Variants in CAMK1D observed in about 807,000 individuals in gnomAD.
CAMK1D encodes the protein calcium/calmodulin-dependent protein kinase type 1D.
Under a neutral mutation model 47.7 loss-of-function variants are expected in CAMK1D, and 9 were observed. That is an observed-to-expected ratio of 0.19 (90% CI 0.11 to 0.33). CAMK1D has a LOEUF of 0.33. Ranked by LOEUF, CAMK1D falls within the 10% of genes least tolerant of loss-of-function variation. The pLI is 1.00. For missense variants in CAMK1D, 291 were observed against 488.7 expected, an observed-to-expected ratio of 0.60 and a Z score of 3.81; for synonymous variants, 184 against 184.9, an observed-to-expected ratio of 0.99 and a Z score of 0.04.
chr10:12,441,604 G>C (rs1832786508), intron 1 of CAMK1D, among the ~76,000 whole-genome samples: 1 of 151,878 alleles, frequency 6.6e-6, no homozygotes, highest in African/African-American at 2.4e-5. Flanking sequence ...CTGGAGGCCA[G>C]GAGTTCGAGA....
rs1016383690 is a variant in CAMK1D, at chr10:12,831,977, C to A, written c.*3090C>A. 6.6e-6 allele frequency: 1 copy of A among 152,220 alleles called. No homozygotes were observed. The highest frequency in any genetic ancestry group is 2.4e-5 in the African/African-American group (1 of 41,444). 9.4% of individuals were successfully genotyped at this position (152,220 alleles called of 1,614,324 possible). On this transcript the variant is annotated 3_prime_UTR_variant, in exon 11 of 11. Transcript: ENST00000619168. ...TCAGAGTCCACCTGTAGAGGCTGAG[C>A]ATTTCTACATGCACCCAGGGTGCTG...
intron 1 of CAMK1D, among the ~76,000 whole-genome samples, chr10:12,412,688 G>T (rs1183007506): frequency 1.9e-5 from 2 of 104,406 alleles, no homozygotes; most frequent in Non-Finnish European, 3.7e-5. Context: ...AGAGTGAGAC[G>T]CCATCAAAAA....
intron 2 of CAMK1D, among the ~76,000 whole-genome samples, chr10:12,618,874 A>G (rs1436252158): frequency 1.3e-5 from 2 of 152,240 alleles, no homozygotes; most frequent in Non-Finnish European, 1.5e-5. Flanking sequence ...CTGTGAAGGT[A>G]TATTATTAAT....
Position 12,666,722 on chromosome 10 carries a change from A to AT in CAMK1D, c.225-4dup, listed in dbSNP as rs146882835. On this transcript the variant is annotated splice_polypyrimidine_tract_variant and intron_variant, in intron 2 of 10. Coordinates refer to ENST00000619168, the MANE Select transcript of CAMK1D (RefSeq NM_153498.4). ...ATCATACTCACTATTTTGTGCGTCT[A>AT]TTTTTTTTTTCAGGATTAAGCATGA... 13,849 of 1,293,752 alleles carry AT rather than the reference A, an allele frequency of 0.011. No homozygotes were observed. The highest frequency in any genetic ancestry group is 0.012 in the Non-Finnish European group (11,233 of 943,204). 80.1% of individuals were successfully genotyped at this position (1,293,752 alleles called of 1,614,324 possible). A position where few individuals can be genotyped will look rare whatever the true frequency, so the allele number is the denominator to read the frequency against.
chr10:12,539,417 G>A (rs1002509100), intron 1 of CAMK1D, among the ~76,000 whole-genome samples: 1 of 152,236 alleles, frequency 6.6e-6, no homozygotes, highest in Non-Finnish European at 1.5e-5. Flanking sequence ...AGGATCTGGT[G>A]AGTGGGAATG....
At chr10:12,550,450 C>T (rs1588622996) in intron 1 of CAMK1D, among the ~76,000 whole-genome samples, 1 of 152,170 alleles carries the variant, frequency 6.6e-6, no homozygotes, top group East Asian at 1.9e-4. Context: ...GGTGCAGCCA[C>T]CTGTCTCCCC....
chr10:12,516,477 T>C (rs1451012050), intron 1 of CAMK1D, among the ~76,000 whole-genome samples: 1 of 144,954 alleles, frequency 6.9e-6, no homozygotes, highest in Non-Finnish European at 1.5e-5. Flanking sequence ...AACATATGTT[T>C]TCATTTATCT....
At chr10:12,387,389 ATT>A (rs1838541327) in intron 1 of CAMK1D, among the ~76,000 whole-genome samples, 1 of 31,688 alleles carries the variant, frequency 3.2e-5, no homozygotes, top group Non-Finnish European at 1.1e-4. Context: ...TATTATATAT[ATT>A]ATATATTTTT....
At chr10:12,504,226 A>ACACACT (rs199684669) in intron 1 of CAMK1D, among the ~76,000 whole-genome samples, 1 of 33,776 alleles carries the variant, frequency 3.0e-5, no homozygotes, top group Non-Finnish European at 6.3e-5. Flanking sequence ...TACACATTTT[A>ACACACT]CACACACACA....
chr10:12,436,856 G>A (rs1370614186), intron 1 of CAMK1D, among the ~76,000 whole-genome samples: 2 of 152,180 alleles, frequency 1.3e-5, no homozygotes, highest in African/African-American at 4.8e-5. Context: ...CAGGTTTGAT[G>A]ATTCGCTCCA....
At chr10:12,354,649 A>G (rs184664187) in intron 1 of CAMK1D, among the ~76,000 whole-genome samples, 1 of 151,778 alleles carries the variant, frequency 6.6e-6, no homozygotes, top group African/African-American at 2.4e-5. Flanking sequence ...TGACCTCGTG[A>G]TCCGCCTGCC....
In CAMK1D at chr10:12,544,669, A is replaced by G. The variant is rs578144528; in HGVS notation, c.93-8556A>G. 3.9e-5 allele frequency among the ~76,000 whole-genome samples: 6 copies of G among 152,374 alleles called. No individual in the cohort carries two copies. In the East Asian group the frequency reaches 1.2e-3, roughly 29 times the overall value. On this transcript the variant is annotated intron_variant, in intron 1 of 10. Transcript: ENST00000619168. Reference sequence around the variant, plus strand: ...GCATTGAAACTTAAAGAAACATATTACGGAGGAGAAAAGAGATGGTACTGT... The same window carrying G: ...GCATTGAAACTTAAAGAAACATATTGCGGAGGAGAAAAGAGATGGTACTGT...
chr10:12,704,562 A>G (rs1833657784), intron 3 of CAMK1D, among the ~76,000 whole-genome samples: 1 of 149,822 alleles, frequency 6.7e-6, no homozygotes, highest in South Asian at 2.1e-4. Context: ...TAAAAAGAGG[A>G]AAAAAAAAAA....
chr10:12,680,749 T>A (rs1000746392), intron 3 of CAMK1D, among the ~76,000 whole-genome samples: 2 of 152,088 alleles, frequency 1.3e-5, no homozygotes, highest in Non-Finnish European at 2.9e-5. Flanking sequence ...TAGATCCCCT[T>A]TTGCTACATC....
intron 2 of CAMK1D, among the ~76,000 whole-genome samples, chr10:12,640,875 T>C (rs996213658): frequency 6.6e-6 from 1 of 152,240 alleles, no homozygotes; most frequent in Non-Finnish European, 1.5e-5. Context: ...CAACTGCATA[T>C]TCTAAGTACA....
chr10:12,595,624 CTTCTGTCCATAGCCCG>C (rs1263263656), intron 2 of CAMK1D, among the ~76,000 whole-genome samples: 1 of 152,094 alleles, frequency 6.6e-6, no homozygotes, highest in Non-Finnish European at 1.5e-5. Flanking sequence ...GGCCATGCGT[CTTCTGTCCATAGCCCG>C]TTCTGTCCCC....
chr10:12,615,881 T>A (rs1351738292), intron 2 of CAMK1D, among the ~76,000 whole-genome samples: 1 of 151,748 alleles, frequency 6.6e-6, no homozygotes, highest in Non-Finnish European at 1.5e-5. Flanking sequence ...TGTATAAGTG[T>A]ATGCATAAGT....
chr10:12,623,853 TG>T (rs1230638435), intron 2 of CAMK1D, among the ~76,000 whole-genome samples: 1 of 152,002 alleles, frequency 6.6e-6, no homozygotes, highest in Non-Finnish European at 1.5e-5. Context: ...CAGAGGCAGG[TG>T]GATCACTTGA....
intron 1 of CAMK1D, among the ~76,000 whole-genome samples, chr10:12,377,619 T>C (rs1838222172): frequency 6.6e-6 from 1 of 152,214 alleles, no homozygotes; most frequent in Non-Finnish European, 1.5e-5. Flanking sequence ...TTTCAGGGCT[T>C]CTTAATTTTA....
Sources: gnomAD v4.1 joint callset for allele counts (sites outside exome capture counted in the v4.1 genomes callset) on GRCh38, gnomAD v4.1.1 for gene constraint, MANE v1.5 for transcripts, NCBI Gene and HGNC (gene_info 2026-07-23, HGNC 2026-07-21) for gene names.